The following TAPT1 variants were observed in gnomAD, a reference collection of about 807,000 sequenced individuals.
TAPT1 encodes the protein transmembrane anterior posterior transformation protein 1 homolog.
A neutral mutation model predicts 65.6 loss-of-function variants in TAPT1; 28 were observed. That is an observed-to-expected ratio of 0.43 (90% CI 0.32 to 0.59). The LOEUF (loss-of-function observed/expected upper bound fraction) is 0.59. Ranked by LOEUF, TAPT1 falls within the 20% of genes least tolerant of loss-of-function variation. TAPT1 has a pLI of 0.09. For missense variants in TAPT1, 563 were observed against 679.9 expected (o/e 0.83, Z 1.91); for synonymous variants, 278 against 245.2 (o/e 1.13, Z -1.25).
chr4:16,213,696 C>T lies in TAPT1; in HGVS notation c.330+72G>A, dbSNP rs559514612. 1.3e-4 allele frequency: 171 copies of T among 1,339,638 alleles called. No homozygotes were observed. In the African/African-American group the frequency reaches 2.4e-3, roughly 19 times the overall value. 83.0% of individuals were successfully genotyped at this position (1,339,638 alleles called of 1,614,324 possible). On this transcript the variant is annotated intron_variant, in intron 2 of 13. Coordinates refer to ENST00000405303, the MANE Select transcript of TAPT1 (RefSeq NM_153365.3). ...TAAAAAACTCAACTCTAGCTGTTGACCATTTTTTTGCATAATTAATACTTT... is the reference window on the plus strand; with the variant it reads ...TAAAAAACTCAACTCTAGCTGTTGATCATTTTTTTGCATAATTAATACTTT...
chr4:16,161,598 T>C lies in TAPT1; in HGVS notation c.*1710A>G, dbSNP rs9946. 0.18 allele frequency: 28,030 copies of C among 152,496 alleles called. 4,059 individuals are homozygous for C. Among genetic ancestry groups the C allele is most frequent in the African/African-American group, 0.4 (16,656 of 41,466 alleles). The allele number at this position is 152,496 out of a possible 1,614,324, so 9.4% of individuals were successfully genotyped here. A position where few individuals can be genotyped will look rare whatever the true frequency, so the allele number is the denominator to read the frequency against. On this transcript the variant is annotated 3_prime_UTR_variant, in exon 14 of 14. Coordinates refer to ENST00000405303, the MANE Select transcript of TAPT1 (RefSeq NM_153365.3). ...TGGTAAAGGGAGATGGAAAAAATAA[T>C]TCTAAAATGGGGCTCCATTAAAACA...
At chr4:16,205,830 C>A (rs886918253) in intron 2 of TAPT1, among the ~76,000 whole-genome samples, 2 of 152,162 alleles carry the variant, frequency 1.3e-5, no homozygotes, top group East Asian at 3.8e-4. Flanking sequence ...CAGTTCATTG[C>A]TAAGGAGCTC....
At chr4:16,193,757 C>T (rs1296066288) in intron 3 of TAPT1, among the ~76,000 whole-genome samples, 1 of 152,198 alleles carries the variant, frequency 6.6e-6, no homozygotes, top group African/African-American at 2.4e-5. Context: ...CACCAGCCCC[C>T]ACTCAGAAGA....
intron 7 of TAPT1, among the ~76,000 whole-genome samples, chr4:16,181,548 T>C (rs973662759): frequency 1.3e-5 from 2 of 152,220 alleles, no homozygotes; most frequent in Non-Finnish European, 2.9e-5. Context: ...GAAAAACTTA[T>C]CTCATTAAAG....
At chr4:16,216,172 G>A (rs1750932395) in intron 1 of TAPT1, 1 of 152,262 alleles carries the variant, frequency 6.6e-6, no homozygotes, top group East Asian at 1.9e-4. Flanking sequence ...CTGATTCAGT[G>A]GTGCTCTTCT....
chr4:16,165,545 G>A (rs1289226072), intron 13 of TAPT1, among the ~76,000 whole-genome samples: 2 of 149,952 alleles, frequency 1.3e-5, no homozygotes, highest in African/African-American at 4.9e-5. Flanking sequence ...ACTCCAGCCT[G>A]GGCGACGGAG....
intron 7 of TAPT1, among the ~76,000 whole-genome samples, chr4:16,184,572 C>T (rs905130013): frequency 6.6e-6 from 1 of 152,182 alleles, no homozygotes; most frequent in African/African-American, 2.4e-5. Context: ...AGTTGTAATA[C>T]TTTACACTCA....
rs202193443 is a variant in TAPT1, at chr4:16,207,363, T to C, written c.331-4783A>G. The stretch of plus-strand genomic sequence containing the variant: ...ACGTTTTCTTAACATATCCTCACAC[T>C]GACATAAAACAAAAAGGCTTTATAT... On this transcript the variant is annotated intron_variant, in intron 2 of 13. Coordinates refer to ENST00000405303, the MANE Select transcript of TAPT1 (RefSeq NM_153365.3). 2.1e-3 allele frequency among the ~76,000 whole-genome samples: 319 copies of C among 152,320 alleles called. 1 individual carries two copies. Among genetic ancestry groups the C allele is most frequent in the Non-Finnish European group, 3.6e-3 (245 of 68,024 alleles).
upstream of TAPT1, chr4:16,227,290 G>T (rs967133752): frequency 8.6e-5 from 39 of 455,600 alleles, no homozygotes; most frequent in Admixed American, 9.2e-4. Context: ...ACAGCCCTTG[G>T]CCACCACTGT....
chr4:16,202,603 G>C (rs1389488482), intron 2 of TAPT1, 23 bp from the exon 3 acceptor site: 50,580 of 654,170 alleles, frequency 0.077, no homozygotes, highest in Non-Finnish European at 0.099. Flanking sequence ...AAGGAGAGAA[G>C]AAAAAAAAAA....
chr4:16,203,077 A>T (rs1048869548), intron 2 of TAPT1, among the ~76,000 whole-genome samples: 4 of 152,162 alleles, frequency 2.6e-5, no homozygotes, highest in Admixed American at 2.6e-4. Flanking sequence ...CCAGCCTCCT[A>T]GTGTTTATAT....
intron 3 of TAPT1, among the ~76,000 whole-genome samples, chr4:16,199,334 C>G (rs1749900013): frequency 6.6e-6 from 1 of 151,934 alleles, no homozygotes; most frequent in Non-Finnish European, 1.5e-5. Context: ...AACAGGCTGC[C>G]CTCTAGTGTC....
At position 16,207,504 on chromosome 4, in the gene TAPT1, T is replaced by A. The variant is rs1578469507; in HGVS notation, c.331-4924A>T. ...AGTTACTCCACTAGACATTTAAATCTTTCCATCTACCCTCACCATTCCTCA... is the reference window on the plus strand; with the variant it reads ...AGTTACTCCACTAGACATTTAAATCATTCCATCTACCCTCACCATTCCTCA... On this transcript the variant is annotated intron_variant, in intron 2 of 13. Transcript: ENST00000405303. Among the ~76,000 whole-genome samples the A allele has an allele frequency of 2.6e-5, 4 of 152,322 alleles. No individual in the cohort carries two copies. The South Asian group carries it at 8.3e-4, about 32-fold the overall frequency.
chr4:16,193,879 A>G (rs1166809692), intron 3 of TAPT1, among the ~76,000 whole-genome samples: 1 of 152,238 alleles, frequency 6.6e-6, no homozygotes, highest in Admixed American at 6.5e-5. Flanking sequence ...ACGAGCTAAA[A>G]GTAGGGTAGT....
At chr4:16,193,642 A>G (rs1033770191) in intron 3 of TAPT1, among the ~76,000 whole-genome samples, 2 of 152,184 alleles carry the variant, frequency 1.3e-5, no homozygotes, top group Admixed American at 6.5e-5. Flanking sequence ...TCACTTAAAC[A>G]TATTTCTCAT....
chr4:16,226,036 G>C lies in TAPT1; in HGVS notation c.199+223C>G, dbSNP rs914653867. 2.9e-5 allele frequency: 29 copies of C among 1,007,066 alleles called. No individual in the cohort carries two copies. The Middle Eastern group carries it at 1.5e-3, about 51-fold the overall frequency. The allele number at this position is 1,007,066 out of a possible 1,614,324, so 62.4% of individuals were successfully genotyped here. ...TTCTAGGGCACACCTGGCCTGGCGC[G>C]GCCGCGGGGGCCTCGGGGCTGCGCG... On this transcript the variant is annotated intron_variant, in intron 1 of 13. Coordinates refer to ENST00000405303, the MANE Select transcript of TAPT1 (RefSeq NM_153365.3).
At chr4:16,209,319 TTA>T (rs1317472483) in intron 2 of TAPT1, among the ~76,000 whole-genome samples, 2 of 152,240 alleles carry the variant, frequency 1.3e-5, no homozygotes, top group Non-Finnish European at 2.9e-5. Context: ...GTATCCTGTA[TTA>T]TAATAACTTA....
chr4:16,180,337 CAT>C (rs1016372112), intron 7 of TAPT1, among the ~76,000 whole-genome samples: 2 of 152,206 alleles, frequency 1.3e-5, no homozygotes, highest in African/African-American at 4.8e-5. Context: ...TTAACTTTCT[CAT>C]AGTCTAAGAT....
chr4:16,163,517 G>T lies in TAPT1; in HGVS notation c.1495C>A (p.Leu499Met), dbSNP rs1326644966. The T allele has an allele frequency of 6.2e-7, 1 of 1,613,662 alleles. No individual in the cohort carries two copies. Among genetic ancestry groups the T allele is most frequent in the East Asian group, 2.2e-5 (1 of 44,880 alleles). The change falls in exon 14 of 14, where the codon CTG (leucine) becomes ATG (methionine). Residue 499 changes from leucine to methionine, a missense_variant. By Grantham distance (15) the Leu-to-Met change is conservative. This residue lies in a region of TAPT1 where 136 missense variants were observed against 153.9 expected (regional missense o/e 0.88). Transcript: ENST00000405303. ...PSQGLSTEEN[L>M]SASITKQPIH... is the part of the protein sequence containing the mutation. ...GGTTGTTTGGTGATGGAGGCAGACA[G>T]GTTTTCTTCTGTGGAAAGGCCTGTG... is the stretch of plus-strand genomic sequence containing the variant.
Sources: allele counts gnomAD v4.1 joint callset (sites outside exome capture counted in the v4.1 genomes callset), GRCh38; gene constraint gnomAD v4.1.1; regional missense constraint gnomAD v4.1.1; transcripts MANE v1.5; gene names NCBI Gene and HGNC (gene_info 2026-07-23, HGNC 2026-07-21).